The following SORCS1 variants were observed in gnomAD, a reference collection of about 807,000 sequenced individuals.
SORCS1 encodes the protein VPS10 domain-containing receptor SorCS1.
Under a neutral mutation model 146.1 loss-of-function variants are expected in SORCS1, and 60 were observed. The observed-to-expected ratio is 0.41, with a 90% CI of 0.33 to 0.51. The LOEUF (loss-of-function observed/expected upper bound fraction) is 0.51. Among genes scored for constraint, SORCS1 ranks in the 20% least tolerant of loss-of-function variants. The probability of loss-of-function intolerance (pLI) is 0.21; values close to 1 mark genes in which losing one functional copy is unlikely to be tolerated. For missense variants in SORCS1, 1,352 were observed against 1,487.6 expected, an observed-to-expected ratio of 0.91 and a Z score of 1.50; for synonymous variants, 637 against 584.0, an observed-to-expected ratio of 1.09 and a Z score of -1.31.
chr10:106,594,363 T>C (rs1421660677), intron 24 of SORCS1, among the ~76,000 whole-genome samples: 6 of 152,224 alleles, frequency 3.9e-5, no homozygotes, highest in Non-Finnish European at 5.9e-5. Context: ...ATGGGGTACA[T>C]AGTGATGCTG....
intron 8 of SORCS1, among the ~76,000 whole-genome samples, chr10:106,705,107 AAAAC>A (rs1249196887): frequency 6.6e-6 from 1 of 152,330 alleles, no homozygotes; most frequent in East Asian, 1.9e-4. Flanking sequence ...GGAGAAAAAA[AAAAC>A]AAACACTTAA....
At chr10:107,097,766 T>A (rs1964639246) in intron 1 of SORCS1, among the ~76,000 whole-genome samples, 1 of 152,216 alleles carries the variant, frequency 6.6e-6, no homozygotes, top group Admixed American at 6.5e-5. Context: ...GCCTGGGTGC[T>A]TTCTTATTGC....
intron 5 of SORCS1, among the ~76,000 whole-genome samples, chr10:106,731,623 T>G (rs1208491643): frequency 6.6e-6 from 1 of 152,204 alleles, no homozygotes; most frequent in African/African-American, 2.4e-5. Context: ...AAGTGTTTGT[T>G]ATAAATCCTG....
chr10:106,659,122 T>G (rs762317266), intron 17 of SORCS1, among the ~76,000 whole-genome samples: 1 of 152,230 alleles, frequency 6.6e-6, no homozygotes. Context: ...CAATCAGGAA[T>G]AGACTTCCAT....
upstream of SORCS1, among the ~76,000 whole-genome samples, chr10:107,165,563 A>G (rs548044148): frequency 1.3e-5 from 2 of 152,162 alleles, no homozygotes; most frequent in East Asian, 3.9e-4. This position sits in a 1 kb window ranked among gnomAD's most constrained non-coding sequence, Gnocchi z 4.0. Context: ...TTTGTTTACC[A>G]TTTTCCTCAG....
intron 19 of SORCS1, among the ~76,000 whole-genome samples, chr10:106,628,687 C>T (rs905696220): frequency 6.6e-6 from 1 of 152,126 alleles, no homozygotes; most frequent in Admixed American, 6.6e-5. Flanking sequence ...TCTCTAACAC[C>T]AAGTCATCCA....
At chr10:106,656,527 G>A (rs1371533670) in intron 17 of SORCS1, among the ~76,000 whole-genome samples, 3 of 152,100 alleles carry the variant, frequency 2.0e-5, no homozygotes, top group East Asian at 3.9e-4. Flanking sequence ...CTGCACTCCC[G>A]AGCGAGATTC....
At chr10:106,609,134 T>A (rs1409973072) in intron 22 of SORCS1, among the ~76,000 whole-genome samples, 1 of 152,176 alleles carries the variant, frequency 6.6e-6, no homozygotes, top group Non-Finnish European at 1.5e-5. Flanking sequence ...TGACTGCTGA[T>A]GCTTTTGAAG....
intron 2 of SORCS1, among the ~76,000 whole-genome samples, chr10:106,953,447 T>A (rs1038816011): frequency 2.0e-5 from 3 of 152,114 alleles, no homozygotes; most frequent in African/African-American, 7.2e-5. Context: ...TTTTAAATTT[T>A]TTTCCCCCAA....
At chr10:107,071,022 A>C (rs1298251614) in intron 1 of SORCS1, among the ~76,000 whole-genome samples, 1 of 152,186 alleles carries the variant, frequency 6.6e-6, no homozygotes, top group African/African-American at 2.4e-5. Context: ...TAAATAATGC[A>C]AAAATGCAAA....
chr10:107,044,512 T>TAAA (rs59253149), intron 1 of SORCS1, among the ~76,000 whole-genome samples: 12,134 of 74,018 alleles, frequency 0.16, 1,514 homozygotes, highest in Non-Finnish European at 0.21. Flanking sequence ...TTCTAATTTG[T>TAAA]AAAAAAAAAA....
rs533251137 is a variant in SORCS1 at position 106,961,118 on chromosome 10, C to G, written c.559-4538G>C. 2.0e-5 allele frequency among the ~76,000 whole-genome samples: 3 copies of G among 152,232 alleles called. No homozygotes were observed. In the South Asian group the frequency reaches 6.2e-4, roughly 32 times the overall value. Reference sequence around the variant, plus strand: ...CAAACAGATGCTGGTATATGGATGACTAATAAGACTGTTCCACTGTAAATT... The same window carrying G: ...CAAACAGATGCTGGTATATGGATGAGTAATAAGACTGTTCCACTGTAAATT... On this transcript the variant is annotated intron_variant, in intron 1 of 25. Coordinates refer to ENST00000263054, the MANE Select transcript of SORCS1 (RefSeq NM_052918.5).
chr10:107,039,302 T>TG (rs1217102180), intron 1 of SORCS1, among the ~76,000 whole-genome samples: 2 of 131,598 alleles, frequency 1.5e-5, no homozygotes, highest in African/African-American at 2.9e-5. Context: ...CACTCCAGCC[T>TG]GGCGACAGAG....
chr10:106,910,082 A>C (rs1952075075), intron 2 of SORCS1, among the ~76,000 whole-genome samples: 1 of 152,176 alleles, frequency 6.6e-6, no homozygotes, highest in Admixed American at 6.6e-5. Flanking sequence ...ATATAATGCA[A>C]AGCAATTCTA....
chr10:106,915,566 A>G (rs1187833050), intron 2 of SORCS1, among the ~76,000 whole-genome samples: 1 of 151,268 alleles, frequency 6.6e-6, no homozygotes, highest in African/African-American at 2.4e-5. Flanking sequence ...GGCCCACTCT[A>G]CTCTAGTCAC....
chr10:107,064,981 GC>G (rs1301594554), intron 1 of SORCS1, among the ~76,000 whole-genome samples: 1 of 152,062 alleles, frequency 6.6e-6, no homozygotes, highest in Non-Finnish European at 1.5e-5. Context: ...GGCAACTCCG[GC>G]CCCCAAGCAC....
intron 7 of SORCS1, 125 bp downstream of exon 7, chr10:106,709,098 C>A: frequency 1.5e-6 from 1 of 688,758 alleles, no homozygotes; most frequent in Non-Finnish European, 2.5e-6. Context: ...CCCTCTCTCC[C>A]TACCTCCTTC....
At chr10:106,727,784 G>T (rs1031438958) in intron 6 of SORCS1, among the ~76,000 whole-genome samples, 2 of 152,224 alleles carry the variant, frequency 1.3e-5, no homozygotes, top group African/African-American at 4.8e-5. Flanking sequence ...AATTATGCTC[G>T]ATTGGTCAGG....
intron 9 of SORCS1, among the ~76,000 whole-genome samples, chr10:106,693,358 C>T (rs1051582637): frequency 6.6e-6 from 1 of 152,026 alleles, no homozygotes; most frequent in African/African-American, 2.4e-5. Context: ...GATCTGGACT[C>T]CAAGTCAGTC....
Sources: allele counts gnomAD v4.1 joint callset (sites outside exome capture counted in the v4.1 genomes callset), GRCh38; gene constraint gnomAD v4.1.1; non-coding constraint Gnocchi (gnomAD v3.1); transcripts MANE v1.5; gene names NCBI Gene and HGNC (gene_info 2026-07-23, HGNC 2026-07-21).